LONRF2: variants seen among roughly 807,000 people sequenced by gnomAD.
LONRF2 encodes the protein LON peptidase N-terminal domain and ring finger 2.
Under a neutral mutation model 66.6 loss-of-function variants are expected in LONRF2, and 35 were observed. The observed-to-expected ratio is 0.53, with a 90% CI of 0.40 to 0.70. LONRF2 has a LOEUF of 0.70. LONRF2 is among the 30% of genes least tolerant of loss of function. LONRF2 has a pLI of 0.00. For missense variants in LONRF2, 902 were observed against 1,002.1 expected (o/e 0.90, Z 1.35); for synonymous variants, 417 against 418.1 (o/e 1.00, Z 0.03).
chr2:100,282,270 G>A lies in LONRF2; in HGVS notation c.*2028C>T, dbSNP rs1674755989. ...CTTATGACATTTAAAGAGTGAGGAAGAGAAAGCAACAGGTTCCAAGTATTA... is the reference window on the plus strand; with the variant it reads ...CTTATGACATTTAAAGAGTGAGGAAAAGAAAGCAACAGGTTCCAAGTATTA... On this transcript the variant is annotated 3_prime_UTR_variant, in exon 12 of 12. Coordinates refer to ENST00000393437, the MANE Select transcript of LONRF2 (RefSeq NM_198461.4). The A allele has an allele frequency of 6.6e-6, 1 of 152,208 alleles. No individual in the cohort carries two copies. Among genetic ancestry groups the A allele is most frequent in the South Asian group, 2.1e-4 (1 of 4,836 alleles). 9.4% of individuals were successfully genotyped at this position (152,208 alleles called of 1,614,324 possible).
chr2:100,293,879 C>T (rs780105186), intron 9 of LONRF2, among the ~76,000 whole-genome samples: 52 of 152,182 alleles, frequency 3.4e-4, no homozygotes, highest in Admixed American at 1.4e-3. Context: ...CAAGCCCAGC[C>T]GCAATTTTCC....
intron 5 of LONRF2, 118 bp from the exon 6 acceptor site, chr2:100,299,437 G>T: frequency 1.6e-6 from 1 of 626,104 alleles, no homozygotes; most frequent in Non-Finnish European, 2.7e-6. Flanking sequence ...AATCACACTG[G>T]GCAGAAATAG....
At chr2:100,300,316 A>G (rs1675160011) in intron 4 of LONRF2, among the ~76,000 whole-genome samples, 1 of 151,886 alleles carries the variant, frequency 6.6e-6, no homozygotes, top group African/African-American at 2.4e-5. Context: ...TTTGTTACAT[A>G]TGTATACATG....
In LONRF2 at chr2:100,281,385, C is replaced by A. The variant is rs981968284; in HGVS notation, c.*2913G>T. The A allele has an allele frequency of 6.6e-6, 1 of 152,154 alleles. No homozygotes were observed. Among genetic ancestry groups the A allele is most frequent in the Non-Finnish European group, 1.5e-5 (1 of 68,026 alleles). The allele number at this position is 152,154 out of a possible 1,614,324, so 9.4% of individuals were successfully genotyped here. ...TGAGATAATACTGTTGAATTTGGTA[C>A]ATGAATTGGTTAAGAATTATTGTGT... On this transcript the variant is annotated 3_prime_UTR_variant, in exon 12 of 12. Coordinates refer to ENST00000393437, the MANE Select transcript of LONRF2 (RefSeq NM_198461.4).
At position 100,283,659 on chromosome 2, in the gene LONRF2, T is replaced by A. The variant is rs1674784293; in HGVS notation, c.*639A>T. Reference sequence around the variant, plus strand: ...AGGTATACTTTCTTATGTTTTGACATTCGTTTGATTACAACATGCAATTTA... The same window carrying A: ...AGGTATACTTTCTTATGTTTTGACAATCGTTTGATTACAACATGCAATTTA... On this transcript the variant is annotated 3_prime_UTR_variant, in exon 12 of 12. Coordinates refer to ENST00000393437, the MANE Select transcript of LONRF2 (RefSeq NM_198461.4). 1 of 152,210 alleles carries A rather than the reference T, an allele frequency of 6.6e-6. No individual in the cohort carries two copies. 9.4% of individuals were successfully genotyped at this position (152,210 alleles called of 1,614,324 possible).
intron 1 of LONRF2, among the ~76,000 whole-genome samples, chr2:100,311,450 A>G (rs1311493870): frequency 6.6e-6 from 1 of 151,990 alleles, no homozygotes; most frequent in Admixed American, 6.6e-5. Context: ...GAGAATGGAG[A>G]TCTCATATCC....
intron 2 of LONRF2, among the ~76,000 whole-genome samples, chr2:100,306,046 AC>A (rs1248267366): frequency 6.6e-6 from 1 of 151,902 alleles, no homozygotes; most frequent in African/African-American, 2.4e-5. Flanking sequence ...GCACCACCAC[AC>A]CTGGCTAATT....
intron 1 of LONRF2, among the ~76,000 whole-genome samples, chr2:100,315,867 T>C (rs995160643): frequency 6.6e-6 from 1 of 152,226 alleles, no homozygotes; most frequent in Admixed American, 6.5e-5. Flanking sequence ...CTATTTGCTT[T>C]TCTTTTCCTA....
chr2:100,300,657 G>T lies in LONRF2; in HGVS notation c.1052C>A (p.Ala351Glu). 6.2e-7 allele frequency: 1 copy of T among 1,611,658 alleles called. No homozygotes were observed. Among genetic ancestry groups the T allele is most frequent in the Non-Finnish European group, 8.5e-7 (1 of 1,179,432 alleles). ...NAQALLEEGDAGSSENSSEKS... is the reference protein window; with the variant it reads ...NAQALLEEGDEGSSENSSEKS... ...TGCACGTCATACCTCCGAGCTCCCT[G>T]CATCACCTTCTTCCAGCAGAGCCTG... Residue 351 changes from alanine (A) to glutamate (E), a missense_variant, in exon 4 of 12, where the codon GCA becomes GAA. Around this residue, in one of 2 missense-constraint regions of LONRF2, gnomAD observed 585 missense variants for 569.9 expected, o/e 1.03. Coordinates refer to ENST00000393437, the MANE Select transcript of LONRF2 (RefSeq NM_198461.4).
intron 2 of LONRF2, among the ~76,000 whole-genome samples, chr2:100,304,034 T>C (rs1301981073): frequency 1.3e-5 from 2 of 152,176 alleles, no homozygotes. Flanking sequence ...CATTGAATAA[T>C]TTCTCTTCCT....
At chr2:100,304,284 G>A (rs1252911193) in intron 2 of LONRF2, among the ~76,000 whole-genome samples, 1 of 151,040 alleles carries the variant, frequency 6.6e-6, no homozygotes, top group Non-Finnish European at 1.5e-5. Context: ...GAGTAGCTCA[G>A]ACTACAGGCA....
intron 1 of LONRF2, among the ~76,000 whole-genome samples, chr2:100,315,368 G>C (rs936631734): frequency 5.3e-5 from 8 of 152,078 alleles, no homozygotes; most frequent in African/African-American, 1.9e-4. Flanking sequence ...GAGTTTCTAT[G>C]TATGCCAGGT....
rs1674617858 is a variant in LONRF2, at chr2:100,277,172, G to C, written c.*7126C>G. ...ATGGGCACTCCTGTTGGTGCCCTCA[G>C]AGACCCCTTCATTATAGAAGCTCTG... On this transcript the variant is annotated 3_prime_UTR_variant, in exon 12 of 12. Transcript: ENST00000393437. 1 of 152,202 alleles carries C rather than the reference G, an allele frequency of 6.6e-6. No homozygotes were observed. The highest frequency in any genetic ancestry group is 1.5e-5 in the Non-Finnish European group (1 of 68,032). 9.4% of individuals were successfully genotyped at this position (152,202 alleles called of 1,614,324 possible). A position where few individuals can be genotyped will look rare whatever the true frequency, so the allele number is the denominator to read the frequency against.
At chr2:100,314,564 T>C (rs1036086360) in intron 1 of LONRF2, among the ~76,000 whole-genome samples, 7 of 152,140 alleles carry the variant, frequency 4.6e-5, no homozygotes, top group African/African-American at 1.7e-4. Context: ...CCTTCTCACT[T>C]TTTTGGGGGC....
intron 2 of LONRF2, among the ~76,000 whole-genome samples, chr2:100,307,832 A>G (rs1675328184): frequency 6.6e-6 from 1 of 152,222 alleles, no homozygotes; most frequent in Non-Finnish European, 1.5e-5. Flanking sequence ...TCAAATCTAC[A>G]TATTGCACCT....
Position 100,299,837 on chromosome 2 carries a change from C to G in LONRF2, c.1147G>C (p.Asp383His), listed in dbSNP as rs536589367. ...AGGATGCTTTCTAACGCCTTTTTAT[C>G]CTCTTCAAAGTGTAGACCCAGTATA... ...YFILGLHFEEDKKALESILPT... is the reference protein window; with the variant it reads ...YFILGLHFEEHKKALESILPT... Residue 383 changes from aspartate (D) to histidine (H), a missense_variant, in exon 5 of 12, where the codon GAT (aspartate) becomes CAT (histidine). Transcript: ENST00000393437. The G allele has an allele frequency of 2.5e-6, 4 of 1,612,968 alleles. No homozygotes were observed. Among genetic ancestry groups the G allele is most frequent in the Non-Finnish European group, 3.4e-6 (4 of 1,179,228 alleles).
At chr2:100,298,985 C>A (rs775785365) in intron 6 of LONRF2, 35 bp from the exon 7 acceptor site, 2 of 1,494,470 alleles carry the variant, frequency 1.3e-6, no homozygotes, top group Admixed American at 1.7e-5. Context: ...CCAGAAATGT[C>A]CAGGACAGAC....
In LONRF2 at chr2:100,272,037, C is replaced by G. The variant is rs960119269; in HGVS notation, c.*12261G>C. 2.8e-4 allele frequency among the ~76,000 whole-genome samples: 43 copies of G among 152,174 alleles called. No individual in the cohort carries two copies. Among genetic ancestry groups the G allele is most frequent in the African/African-American group, 1.0e-3 (42 of 41,434 alleles). On this transcript the variant is annotated 3_prime_UTR_variant, in exon 12 of 12. Coordinates refer to ENST00000393437, the MANE Select transcript of LONRF2 (RefSeq NM_198461.4). ...ATAAAAGACTTCATCAGAGGTTTTC[C>G]CAGATTTGACAACCATCCTATTTAA...
intron 2 of LONRF2, among the ~76,000 whole-genome samples, chr2:100,305,197 A>G (rs1220088852): frequency 6.6e-6 from 1 of 152,184 alleles, no homozygotes; most frequent in Non-Finnish European, 1.5e-5. Context: ...AAGACAAAAC[A>G]AAAAACAAAC....
Sources: gnomAD v4.1 joint callset for allele counts (sites outside exome capture counted in the v4.1 genomes callset) on GRCh38, gnomAD v4.1.1 for gene constraint, gnomAD v4.1.1 regional missense constraint, MANE v1.5 for transcripts, NCBI Gene and HGNC (gene_info 2026-07-23, HGNC 2026-07-21) for gene names.